Variants in EDA observed in about 807,000 individuals in gnomAD.
EDA encodes the protein ectodysplasin A, also known as ectodysplasin-A.
In EDA, 2 loss-of-function variants were observed where a neutral mutation model predicts 23.6. The observed-to-expected ratio is 0.08, with a 90% CI of 0.03 to 0.27. The LOEUF (loss-of-function observed/expected upper bound fraction) is 0.27, where lower values mean the gene tolerates loss of function less well. Among genes scored for constraint, EDA ranks in the 10% least tolerant of loss-of-function variants. The pLI is 1.00. For synonymous variants in EDA, 131 were observed against 132.0 expected (o/e 0.99, Z 0.05); for missense variants, 229 against 324.2 (o/e 0.71, Z 2.26).
chrX:69,680,983 C>T (rs1274741708), intron 1 of EDA, among the ~76,000 whole-genome samples: 8 of 107,139 alleles, frequency 7.5e-5, no homozygotes, highest in Non-Finnish European at 1.3e-4. Flanking sequence ...CCATGTTTAG[C>T]GCTTCCTTCA....
At chrX:69,697,323 C>T (rs941735945) in intron 1 of EDA, among the ~76,000 whole-genome samples, 2 of 111,493 alleles carry the variant, frequency 1.8e-5, no homozygotes, top group Admixed American at 9.5e-5. Context: ...CTTGCTGAGG[C>T]ACGCTGCTGG....
At chrX:69,848,564 A>G (rs1046517693) in intron 1 of EDA, among the ~76,000 whole-genome samples, 2 of 111,495 alleles carry the variant, frequency 1.8e-5, no homozygotes, top group Admixed American at 9.6e-5. Context: ...ACTGTCCCCC[A>G]TACAATCCCC....
chrX:69,884,898 G>A (rs1304103339), intron 1 of EDA, among the ~76,000 whole-genome samples: 2 of 112,234 alleles, frequency 1.8e-5, no homozygotes, highest in Admixed American at 9.4e-5. Context: ...CTGCCAAACT[G>A]TCTTCCAAAG....
At chrX:69,787,064 T>C (rs2147461567) in intron 1 of EDA, among the ~76,000 whole-genome samples, 1 of 103,802 alleles carries the variant, frequency 9.6e-6, no homozygotes, top group East Asian at 2.9e-4. Flanking sequence ...TTTGTCTCTT[T>C]TGATCTTTGT....
At chrX:70,029,597 T>C in intron 5 of EDA, 59 bp downstream of exon 5, 2 of 1,111,921 alleles carry the variant, frequency 1.8e-6, no homozygotes, top group South Asian at 3.7e-5. Context: ...TAGAGCCACC[T>C]TTAAATTAGC....
intron 2 of EDA, among the ~76,000 whole-genome samples, chrX:70,008,124 G>T (rs1451835024): frequency 1.8e-5 from 2 of 111,671 alleles, no homozygotes; most frequent in Non-Finnish European, 3.8e-5. Flanking sequence ...CTTGCCTATT[G>T]CATCAGCTAG....
intron 1 of EDA, among the ~76,000 whole-genome samples, chrX:69,832,667 G>C (rs151012604): frequency 4.5e-5 from 5 of 111,354 alleles, no homozygotes; most frequent in Non-Finnish European, 7.5e-5. Context: ...CTTCCTATCC[G>C]TGAGCATGGA....
intron 1 of EDA, among the ~76,000 whole-genome samples, chrX:69,708,130 G>A (rs2011810724): frequency 9.0e-6 from 1 of 111,726 alleles, no homozygotes; most frequent in Admixed American, 9.5e-5. Context: ...AAAAACTTTA[G>A]ACAAACTAAA....
chrX:69,693,418 T>G (rs923887499), intron 1 of EDA, among the ~76,000 whole-genome samples: 1 of 111,643 alleles, frequency 9.0e-6, no homozygotes, highest in Non-Finnish European at 1.9e-5. Flanking sequence ...ACTTTATAAA[T>G]TAAGTGCTAT....
chrX:69,912,769 C>CTTTTTTTTT (rs750059116), intron 1 of EDA, among the ~76,000 whole-genome samples: 1 of 79,211 alleles, frequency 1.3e-5, no homozygotes, highest in Non-Finnish European at 2.4e-5. Context: ...TTTTTCTTTT[C>CTTTTTTTTT]TTTTTTTTTT....
intron 1 of EDA, among the ~76,000 whole-genome samples, chrX:69,910,112 A>C: frequency 9.0e-6 from 1 of 111,038 alleles, no homozygotes; most frequent in East Asian, 2.8e-4. Flanking sequence ...CTATTATTAA[A>C]GTGCTTATGA....
chrX:69,845,872 C>T (rs985981177), intron 1 of EDA, among the ~76,000 whole-genome samples: 1 of 109,582 alleles, frequency 9.1e-6, no homozygotes, highest in Non-Finnish European at 1.9e-5. Context: ...CTTTCTGCCA[C>T]AACCATGTGA....
intron 2 of EDA, among the ~76,000 whole-genome samples, chrX:69,975,442 C>T (rs2019303860): frequency 9.1e-6 from 1 of 109,806 alleles, no homozygotes; most frequent in Admixed American, 9.8e-5. Flanking sequence ...AAGATGGCAA[C>T]AATAGACACT....
At chrX:69,682,562 CG>C (rs1008086639) in intron 1 of EDA, among the ~76,000 whole-genome samples, 11 of 112,187 alleles carry the variant, frequency 9.8e-5, no homozygotes, top group South Asian at 3.7e-4. Context: ...GCGCAGTATT[CG>C]GGTGGGAGTG....
chrX:69,932,359 G>A (rs1009466477), intron 1 of EDA, among the ~76,000 whole-genome samples: 1 of 111,726 alleles, frequency 9.0e-6, no homozygotes, highest in Non-Finnish European at 1.9e-5. Context: ...CTATAAAGCC[G>A]TAAAAATGAT....
intron 1 of EDA, among the ~76,000 whole-genome samples, chrX:69,840,906 G>T (rs1018866777): frequency 1.8e-5 from 2 of 111,431 alleles, no homozygotes; most frequent in Admixed American, 9.6e-5. Context: ...TTTTCTACAT[G>T]CCTTAATCCC....
intron 1 of EDA, among the ~76,000 whole-genome samples, chrX:69,745,070 A>G (rs146299576): frequency 2.5e-4 from 28 of 111,715 alleles, no homozygotes; most frequent in African/African-American, 8.1e-4. Context: ...AAATTTTTTC[A>G]TTGGACAGAT....
intron 1 of EDA, among the ~76,000 whole-genome samples, chrX:69,700,010 G>A (rs969326799): frequency 1.6e-4 from 18 of 110,775 alleles, no homozygotes; most frequent in Admixed American, 2.9e-4. Context: ...ATATGCGGTC[G>A]GTTGTGAGCC....
chrX:69,999,006 A>T (rs1296685244), intron 2 of EDA, among the ~76,000 whole-genome samples: 1 of 111,514 alleles, frequency 9.0e-6, no homozygotes, highest in Non-Finnish European at 1.9e-5. Context: ...TTTGTTTCTT[A>T]TCTCCTTGAG....
Sources: gnomAD v4.1 joint callset for allele counts (sites outside exome capture counted in the v4.1 genomes callset) on GRCh38, gnomAD v4.1.1 for gene constraint, MANE v1.5 for transcripts, NCBI Gene and HGNC (gene_info 2026-07-23, HGNC 2026-07-21) for gene names.